ATAD2B: variants seen among roughly 807,000 people sequenced by gnomAD.
ATAD2B encodes the protein ATPase family AAA domain containing 2B, also known as ATPase family AAA domain-containing protein 2B.
In ATAD2B, 40 loss-of-function variants were observed where a neutral mutation model predicts 167.6. The ratio of observed to expected loss-of-function variants is 0.24; its 90% CI spans 0.19 to 0.31. ATAD2B has a LOEUF of 0.31. ATAD2B is among the 10% of genes least tolerant of loss of function. The pLI, the probability that ATAD2B is intolerant of heterozygous loss-of-function variation, is 1.00. For synonymous variants in ATAD2B, 579 were observed against 596.5 expected (o/e 0.97, Z 0.43); for missense variants, 1,242 against 1,757.2 (o/e 0.71, Z 5.24).
At chr2:23,826,856 G>C (rs1409714551) in intron 15 of ATAD2B, among the ~76,000 whole-genome samples, 1 of 152,048 alleles carries the variant, frequency 6.6e-6, no homozygotes, top group African/African-American at 2.4e-5. Flanking sequence ...CACCCAATAT[G>C]CATGCAAAAA....
At chr2:23,910,146 G>A (rs1307057806) in intron 1 of ATAD2B, among the ~76,000 whole-genome samples, 2 of 149,392 alleles carry the variant, frequency 1.3e-5, no homozygotes, top group East Asian at 4.0e-4. Flanking sequence ...ATACAGGTGT[G>A]AGCCACTGTG....
At chr2:23,733,929 C>T in the ATAD2B span, among the ~76,000 whole-genome samples, 62,075 of 151,914 alleles carry the variant, frequency 0.41, 13,814 homozygotes, top group East Asian at 0.78. Flanking sequence ...ACAGAAACAC[C>T]CATAGTTGCC....
At chr2:23,699,339 T>C in the ATAD2B span, among the ~76,000 whole-genome samples, 1 of 152,160 alleles carries the variant, frequency 6.6e-6, no homozygotes, top group Admixed American at 6.5e-5. Context: ...AGGCCTCGCA[T>C]TGCGTCCAGG....
the ATAD2B span, chr2:23,703,704 C>G: frequency 6.5e-7 from 1 of 1,531,868 alleles, no homozygotes; most frequent in Non-Finnish European, 8.7e-7. Flanking sequence ...CCTGCCTGCT[C>G]TGCTCTCCTC....
intron 22 of ATAD2B, among the ~76,000 whole-genome samples, chr2:23,780,292 TGTG>T (rs1679821895): frequency 6.7e-6 from 1 of 149,316 alleles, no homozygotes; most frequent in Non-Finnish European, 1.5e-5. Flanking sequence ...TGTGTGTGTG[TGTG>T]TGTGTGTGTT....
At chr2:23,740,743 G>A in the ATAD2B span, among the ~76,000 whole-genome samples, 1 of 152,136 alleles carries the variant, frequency 6.6e-6, no homozygotes, top group African/African-American at 2.4e-5. Flanking sequence ...ATTCGATTAG[G>A]AAAAGAGGAA....
At chr2:23,837,463 G>C (rs1316006817) in intron 13 of ATAD2B, among the ~76,000 whole-genome samples, 1 of 152,224 alleles carries the variant, frequency 6.6e-6, no homozygotes, top group African/African-American at 2.4e-5. Context: ...GGGAGGCCCA[G>C]GTCCACAGCC....
intron 18 of ATAD2B, among the ~76,000 whole-genome samples, chr2:23,799,034 A>G (rs1028455497): frequency 2.0e-5 from 3 of 152,164 alleles, no homozygotes; most frequent in Non-Finnish European, 4.4e-5. Flanking sequence ...AACACACACC[A>G]ATAGGGACCA....
Position 23,884,814 on chromosome 2 carries a change from A to T in ATAD2B, c.735T>A (p.Ser245Arg). The stretch of plus-strand genomic sequence containing the variant: ...CTTCATGATGATTTTGTATCCCATA[A>T]CTATTTCTTCTTAGTGACTTTCTTC... Reference protein sequence around the residue: ...KRRRKSLRRNSYGIQNHHEVS... With the variant: ...KRRRKSLRRNRYGIQNHHEVS... The change falls in exon 6 of 28, where the codon AGT (serine) becomes AGA (arginine). Residue 245 changes from serine (S) to arginine (R), a missense_variant. This residue lies in a region of ATAD2B where 99 missense variants were observed against 160.4 expected (regional missense o/e 0.62). Transcript: ENST00000238789. 1 of 1,602,052 alleles carries T rather than the reference A, an allele frequency of 6.2e-7. No homozygotes were observed.
chr2:23,750,316 T>G lies in ATAD2B; in HGVS notation c.*1730A>C, dbSNP rs1204113361. ...TAGGTACAAAGAAAACACGTGGCAT[T>G]TAAAAAAAAATTAAGCTAGAATTAG... On this transcript the variant is annotated 3_prime_UTR_variant, in exon 28 of 28. Coordinates refer to ENST00000238789, the MANE Select transcript of ATAD2B (RefSeq NM_017552.4). The G allele has an allele frequency of 6.6e-6, 1 of 152,004 alleles. No individual in the cohort carries two copies. The highest frequency in any genetic ancestry group is 2.4e-5 in the African/African-American group (1 of 41,398). 9.4% of individuals were successfully genotyped at this position (152,004 alleles called of 1,614,324 possible). A position where few individuals can be genotyped will look rare whatever the true frequency, so the allele number is the denominator to read the frequency against.
At chr2:23,700,916 T>C in the ATAD2B span, among the ~76,000 whole-genome samples, 2 of 151,986 alleles carry the variant, frequency 1.3e-5, no homozygotes, top group Non-Finnish European at 2.9e-5. This position sits in a 1 kb window ranked among gnomAD's most constrained non-coding sequence, Gnocchi z 4.6. Flanking sequence ...AGACTACATT[T>C]CCCCAGTTTG....
intron 2 of ATAD2B, among the ~76,000 whole-genome samples, chr2:23,889,790 G>C (rs947394806): frequency 7.9e-5 from 12 of 151,720 alleles, no homozygotes; most frequent in African/African-American, 2.7e-4. Flanking sequence ...GTGGTGGCGG[G>C]CACCTGCAAT....
chr2:23,798,373 A>T, intron 18 of ATAD2B, 50 bp from the exon 19 acceptor site: 1 of 1,392,194 alleles, frequency 7.2e-7, no homozygotes, highest in Non-Finnish European at 9.8e-7. Flanking sequence ...GATTATTCTA[A>T]AGTCTACCCA....
chr2:23,923,467 G>A (rs1002132342), intron 1 of ATAD2B, among the ~76,000 whole-genome samples: 1 of 152,114 alleles, frequency 6.6e-6, no homozygotes, highest in African/African-American at 2.4e-5. Context: ...TAAGAGGGTA[G>A]ATTTTATATC....
intron 19 of ATAD2B, among the ~76,000 whole-genome samples, chr2:23,790,658 A>G (rs1321602600): frequency 6.6e-6 from 1 of 152,182 alleles, no homozygotes; most frequent in Admixed American, 6.5e-5. Context: ...ATGGTGTACC[A>G]AAGACAAGCC....
intron 8 of ATAD2B, chr2:23,872,201 A>C: frequency 3.2e-6 from 1 of 315,114 alleles, no homozygotes; most frequent in South Asian, 3.0e-5. Flanking sequence ...TTTTGTTTTT[A>C]GATAGAAGGT....
chr2:23,711,865 T>C, the ATAD2B span, among the ~76,000 whole-genome samples: 1 of 152,196 alleles, frequency 6.6e-6, no homozygotes, highest in Admixed American at 6.5e-5. Flanking sequence ...TCTCCTCTAA[T>C]TGAACCTTAA....
At chr2:23,767,110 G>A (rs532824050) in intron 22 of ATAD2B, among the ~76,000 whole-genome samples, 6 of 152,020 alleles carry the variant, frequency 3.9e-5, no homozygotes, top group Non-Finnish European at 7.4e-5. Flanking sequence ...TAACTTCCTC[G>A]TAAAGCAACC....
the ATAD2B span, among the ~76,000 whole-genome samples, chr2:23,715,753 G>T: frequency 2.0e-5 from 3 of 152,116 alleles, no homozygotes; most frequent in Admixed American, 2.0e-4. Flanking sequence ...GGAAATTAGT[G>T]TAAAGAAACA....
Sources: gnomAD v4.1 joint callset for allele counts (sites outside exome capture counted in the v4.1 genomes callset) on GRCh38, gnomAD v4.1.1 for gene constraint, gnomAD v4.1.1 regional missense constraint, Gnocchi (gnomAD v3.1) non-coding constraint, MANE v1.5 for transcripts, NCBI Gene and HGNC (gene_info 2026-07-23, HGNC 2026-07-21) for gene names.